The following FAM200B variants were observed in gnomAD, a reference collection of about 807,000 sequenced individuals.
FAM200B encodes protein FAM200B.
In FAM200B, 32 loss-of-function variants were observed where a neutral mutation model predicts 33.1. That is an observed-to-expected ratio of 0.97 (90% CI 0.73 to 1.30). The LOEUF is 1.30. Among genes scored for constraint, FAM200B ranks in the 50% most tolerant of loss-of-function variants. The pLI is 0.00. For synonymous variants in FAM200B, 240 were observed against 264.8 expected, an observed-to-expected ratio of 0.91 and a Z score of 0.91; for missense variants, 741 against 754.0, an observed-to-expected ratio of 0.98 and a Z score of 0.20.
rs1457098317 is a variant in FAM200B, at chr4:15,688,594, T to C, written c.1617T>C (p.Asp539=). 5 of 1,551,126 alleles carry C rather than the reference T, an allele frequency of 3.2e-6. No individual in the cohort carries two copies. Among genetic ancestry groups the C allele is most frequent in the Non-Finnish European group, 4.4e-6 (5 of 1,146,692 alleles). ...ETLRENSWVK[D]PFAFRHPESI... is the part of the protein sequence containing the mutation. Reference sequence around the variant, plus strand: ...TAAGGGAAAACAGTTGGGTAAAAGATCCATTTGCTTTTCGACACCCTGAAT... The same window carrying C: ...TAAGGGAAAACAGTTGGGTAAAAGACCCATTTGCTTTTCGACACCCTGAAT... Residue 539 remains aspartate (D), a synonymous_variant, in exon 2 of 2, where the codon GAT becomes GAC. Transcript: ENST00000422728.
At chr4:15,639,708 T>C in the FAM200B span, among the ~76,000 whole-genome samples, 1 of 152,224 alleles carries the variant, frequency 6.6e-6, no homozygotes, top group Non-Finnish European at 1.5e-5. Flanking sequence ...TATATTACAA[T>C]GAGTTGGGGG....
chr4:15,672,852 A>T, the FAM200B span, among the ~76,000 whole-genome samples: 2 of 152,198 alleles, frequency 1.3e-5, no homozygotes, highest in African/African-American at 4.8e-5. Flanking sequence ...AGCTTAAAAT[A>T]CATGTTGTAC....
In FAM200B at chr4:15,687,231, A is replaced by C; in HGVS notation, c.254A>C (p.Gln85Pro). ...CEKPFENDRPQCVICNNILAN... is the reference protein window; with the variant it reads ...CEKPFENDRPPCVICNNILAN... Reference sequence around the variant, plus strand: ...AAACCCTTTGAAAATGACAGACCTCAGTGTGTTATTTGTAATAATATTCTT... The same window carrying C: ...AAACCCTTTGAAAATGACAGACCTCCGTGTGTTATTTGTAATAATATTCTT... Residue 85 changes from glutamine to proline, a missense_variant, in exon 2 of 2, where the codon CAG becomes CCG. Coordinates refer to ENST00000422728, the MANE Select transcript of FAM200B (RefSeq NM_001145191.2). 6.5e-7 allele frequency: 1 copy of C among 1,542,810 alleles called. No homozygotes were observed.
Position 15,687,426 on chromosome 4 carries a change from C to T in FAM200B, c.449C>T (p.Ser150Leu), listed in dbSNP as rs1191641892. Residue 150 changes from serine (S) to leucine (L), a missense_variant, in exon 2 of 2, where the codon TCA (serine) becomes TTA (leucine). Ser to Leu is a moderately radical substitution (Grantham distance 145). Coordinates refer to ENST00000422728, the MANE Select transcript of FAM200B (RefSeq NM_001145191.2). Reference protein sequence around the residue: ...TAVSEKALLSSYLVAYRVAKE... With the variant: ...TAVSEKALLSLYLVAYRVAKE... ...GTTAGTGAGAAAGCCTTATTATCATCATATTTAGTTGCATATCGTGTGGCA... is the reference window on the plus strand; with the variant it reads ...GTTAGTGAGAAAGCCTTATTATCATTATATTTAGTTGCATATCGTGTGGCA... 6.5e-7 allele frequency: 1 copy of T among 1,550,204 alleles called. No individual in the cohort carries two copies.
At chr4:15,650,024 C>G in the FAM200B span, among the ~76,000 whole-genome samples, 1 of 152,146 alleles carries the variant, frequency 6.6e-6, no homozygotes, top group South Asian at 2.1e-4. Flanking sequence ...AACACTTGCT[C>G]TAAAGCAACA....
chr4:15,657,183 C>T, the FAM200B span, among the ~76,000 whole-genome samples: 3 of 151,964 alleles, frequency 2.0e-5, no homozygotes, highest in South Asian at 6.2e-4. Flanking sequence ...ATTTCTTTAC[C>T]TCATACTAAT....
rs757262849 is a variant in FAM200B at position 15,687,877 on chromosome 4, A to C, written c.900A>C (p.Ala300=). 1.9e-6 allele frequency: 3 copies of C among 1,551,254 alleles called. No individual in the cohort carries two copies. The highest frequency in any genetic ancestry group is 1.2e-5 in the South Asian group (1 of 84,016). The change falls in exon 2 of 2, where the codon GCA becomes GCC. Residue 300 remains alanine, a synonymous_variant. Coordinates refer to ENST00000422728, the MANE Select transcript of FAM200B (RefSeq NM_001145191.2). The part of the protein sequence containing the change: ...NCKGITSDGT[A]TMTGKHSRVI... ...AAGGAATTACAAGTGATGGCACAGC[A>C]ACCATGACTGGAAAACATAGCAGAG... is the stretch of plus-strand genomic sequence containing the variant.
At chr4:15,671,974 CATT>C in the FAM200B span, among the ~76,000 whole-genome samples, 1 of 152,146 alleles carries the variant, frequency 6.6e-6, no homozygotes, top group African/African-American at 2.4e-5. Context: ...CTTTTTATCT[CATT>C]ATGGGTCCTA....
the FAM200B span, among the ~76,000 whole-genome samples, chr4:15,674,502 T>A: frequency 3.9e-4 from 59 of 152,296 alleles, no homozygotes; most frequent in African/African-American, 1.3e-3. Context: ...CCATTTTACG[T>A]TTATATATTA....
At chr4:15,672,260 T>C in the FAM200B span, among the ~76,000 whole-genome samples, 1,322 of 152,328 alleles carry the variant, frequency 8.7e-3, 21 homozygotes, top group Non-Finnish European at 0.012. Context: ...GAATGAGGCT[T>C]TCCAGTCTGT....
In FAM200B at chr4:15,686,709, T is replaced by G. The variant is rs1718879094; in HGVS notation, c.-269T>G. ...TATTTGATGGAGGAGATATGATGAA[T>G]AGAATGTATATTGGCTAAGAAATGG... On this transcript the variant is annotated 5_prime_UTR_variant, in exon 2 of 2. Coordinates refer to ENST00000422728, the MANE Select transcript of FAM200B (RefSeq NM_001145191.2). The G allele has an allele frequency of 4.4e-6, 1 of 227,076 alleles. No individual in the cohort carries two copies. The highest frequency in any genetic ancestry group is 8.5e-6 in the Non-Finnish European group (1 of 117,152). The allele number at this position is 227,076 out of a possible 1,614,324, so 14.1% of individuals were successfully genotyped here.
intron 1 of FAM200B, among the ~76,000 whole-genome samples, chr4:15,683,070 G>C (rs2148852497): frequency 6.6e-6 from 1 of 152,292 alleles, no homozygotes; most frequent in Non-Finnish European, 1.5e-5. Flanking sequence ...TATATCTTAG[G>C]ATATAAAAGA....
At chr4:15,646,725 G>A in the FAM200B span, among the ~76,000 whole-genome samples, 6 of 130,104 alleles carry the variant, frequency 4.6e-5, no homozygotes, top group East Asian at 1.3e-3. Context: ...GCCCCGGTGT[G>A]TGATGTTCCC....
chr4:15,653,642 C>G, the FAM200B span, among the ~76,000 whole-genome samples: 1 of 135,910 alleles, frequency 7.4e-6, no homozygotes, highest in African/African-American at 2.5e-5. Flanking sequence ...TTTTTGAGAC[C>G]ATTTTTTTTT....
chr4:15,687,995 C>T lies in FAM200B; in HGVS notation c.1018C>T (p.Gln340Ter). ...AGGTTTAGCATCCAGAGAAATTCCA[C>T]AGAATCTCATGGAGGTATTGAAAAA... ...REGLASREIP[Q>*]NLMEVLKNAV... Residue 340 changes from glutamine (Q) to a stop codon, truncating the protein, a stop_gained, in exon 2 of 2, where the codon CAG becomes TAG. Coordinates refer to ENST00000422728, the MANE Select transcript of FAM200B (RefSeq NM_001145191.2). LOFTEE classifies it high-confidence loss of function. 1.3e-6 allele frequency: 2 copies of T among 1,550,962 alleles called. No homozygotes were observed. The highest frequency in any genetic ancestry group is 2.4e-5 in the South Asian group (2 of 84,048).
chr4:15,688,924 T>G lies in FAM200B; in HGVS notation c.1947T>G (p.Leu649=), dbSNP rs1375200581. The G allele has an allele frequency of 3.9e-6, 6 of 1,524,594 alleles. No individual in the cohort carries two copies. The allele number at this position is 1,524,594 out of a possible 1,614,324, so 94.4% of individuals were successfully genotyped here. The part of the protein sequence containing the change: ...LSSCVPDWNE[L]MNRQAHPS The stretch of plus-strand genomic sequence containing the variant: ...CCTGTGTTCCAGACTGGAATGAACT[T>G]ATGAACAGGCAAGCACACCCATCAT... Residue 649 remains leucine, a synonymous_variant, in exon 2 of 2, where the codon CTT becomes CTG. Coordinates refer to ENST00000422728, the MANE Select transcript of FAM200B (RefSeq NM_001145191.2).
chr4:15,640,510 ATTAATAT>A, the FAM200B span, among the ~76,000 whole-genome samples: 2 of 152,012 alleles, frequency 1.3e-5, no homozygotes, highest in Admixed American at 1.3e-4. Context: ...AGCATAAGTT[ATTAATAT>A]TTAAGACAGA....
intron 1 of FAM200B, among the ~76,000 whole-genome samples, chr4:15,685,801 G>A (rs1355850378): frequency 6.6e-6 from 1 of 152,184 alleles, no homozygotes; most frequent in Non-Finnish European, 1.5e-5. Context: ...ATAATTTGAT[G>A]GAAAGGTGTG....
At chr4:15,637,902 T>TTTAAAA in the FAM200B span, among the ~76,000 whole-genome samples, 1 of 144,802 alleles carries the variant, frequency 6.9e-6, no homozygotes, top group African/African-American at 2.5e-5. Context: ...CTAGTTTTTT[T>TTTAAAA]AAAAAAAAAA....
Sources: gnomAD v4.1 joint callset for allele counts (sites outside exome capture counted in the v4.1 genomes callset) on GRCh38, gnomAD v4.1.1 for gene constraint, MANE v1.5 for transcripts, NCBI Gene and HGNC (gene_info 2026-07-23, HGNC 2026-07-21) for gene names.